DNAJC5B: variants seen among roughly 807,000 people sequenced by gnomAD.
The protein encoded by DNAJC5B is DnaJ heat shock protein family (Hsp40) member C5 beta.
Under a neutral mutation model 24.7 loss-of-function variants are expected in DNAJC5B, and 23 were observed. The ratio of observed to expected loss-of-function variants is 0.93; its 90% CI spans 0.67 to 1.32. The LOEUF (loss-of-function observed/expected upper bound fraction) is 1.32, where lower values mean the gene tolerates loss of function less well. Among genes scored for constraint, DNAJC5B ranks in the 40% most tolerant of loss-of-function variants. DNAJC5B has a pLI of 0.00. For missense variants in DNAJC5B, 238 were observed against 240.8 expected (o/e 0.99, Z 0.08); for synonymous variants, 101 against 90.1 (o/e 1.12, Z -0.68).
chr8:66,028,093 G>A (rs1423045132), intron 1 of DNAJC5B, among the ~76,000 whole-genome samples: 3 of 152,226 alleles, frequency 2.0e-5, no homozygotes, highest in Non-Finnish European at 4.4e-5. Flanking sequence ...CGAAGAAGCA[G>A]TGTTGTCTGG....
At chr8:66,032,434 G>A (rs146042638) in intron 1 of DNAJC5B, among the ~76,000 whole-genome samples, 124 of 152,350 alleles carry the variant, frequency 8.1e-4, no homozygotes, top group African/African-American at 2.8e-3. Flanking sequence ...CTACGTGCTC[G>A]TGCTTTGTGT....
At chr8:66,035,306 G>T (rs985701816) in intron 1 of DNAJC5B, among the ~76,000 whole-genome samples, 1 of 152,162 alleles carries the variant, frequency 6.6e-6, no homozygotes, top group Non-Finnish European at 1.5e-5. Flanking sequence ...AATGTGCTGC[G>T]CCTGTAAAAG....
At chr8:66,026,941 T>C (rs571979763) in intron 1 of DNAJC5B, among the ~76,000 whole-genome samples, 7 of 152,348 alleles carry the variant, frequency 4.6e-5, no homozygotes, top group African/African-American at 1.7e-4. Flanking sequence ...ATTTTTATTG[T>C]ATTTGTATAA....
At chr8:66,081,195 G>C (rs1807588853) in intron 5 of DNAJC5B, among the ~76,000 whole-genome samples, 1 of 152,026 alleles carries the variant, frequency 6.6e-6, no homozygotes, top group South Asian at 2.1e-4. Context: ...ATCCAAAAAT[G>C]AAAAAATTTT....
At chr8:66,075,118 G>C (rs1210860694) in intron 3 of DNAJC5B, among the ~76,000 whole-genome samples, 7 of 151,836 alleles carry the variant, frequency 4.6e-5, no homozygotes, top group Non-Finnish European at 1.5e-5. Context: ...CCAGGCTGGA[G>C]TGCAGTGATG....
chr8:66,073,741 C>T (rs1807402630), intron 3 of DNAJC5B, among the ~76,000 whole-genome samples: 1 of 152,070 alleles, frequency 6.6e-6, no homozygotes, highest in Non-Finnish European at 1.5e-5. Context: ...ATTTTCTTTT[C>T]CTAATAAATG....
At chr8:66,093,656 T>G (rs1327862090) in intron 5 of DNAJC5B, among the ~76,000 whole-genome samples, 1 of 152,206 alleles carries the variant, frequency 6.6e-6, no homozygotes, top group Non-Finnish European at 1.5e-5. Context: ...TTAAAACATA[T>G]TCTCCCAGTT....
At chr8:66,070,450 T>G (rs149995300) in intron 3 of DNAJC5B, among the ~76,000 whole-genome samples, 4,748 of 152,254 alleles carry the variant, frequency 0.031, 117 homozygotes, top group Middle Eastern at 0.082. Context: ...GAACTCCCTT[T>G]CACAATTGCT....
chr8:66,094,517 T>C (rs2128967015), intron 5 of DNAJC5B, among the ~76,000 whole-genome samples: 1 of 152,248 alleles, frequency 6.6e-6, no homozygotes, highest in South Asian at 2.1e-4. Context: ...CTTGCTAATT[T>C]TAATTATTTA....
chr8:66,029,795 A>G (rs1206750761), intron 1 of DNAJC5B, among the ~76,000 whole-genome samples: 1 of 152,154 alleles, frequency 6.6e-6, no homozygotes, highest in Non-Finnish European at 1.5e-5. Context: ...TCCATGCCAC[A>G]GTATCACTTC....
Position 66,100,232 on chromosome 8 carries a change from T to C in DNAJC5B, c.*201T>C, listed in dbSNP as rs1284660604. 1 of 514,784 alleles carries C rather than the reference T, an allele frequency of 1.9e-6. No homozygotes were observed. The highest frequency in any genetic ancestry group is 1.9e-5 in the African/African-American group (1 of 52,358). 31.9% of individuals were successfully genotyped at this position (514,784 alleles called of 1,614,324 possible). On this transcript the variant is annotated 3_prime_UTR_variant, in exon 6 of 6. Transcript: ENST00000276570. ...TGAGTAGAATTTCTTATGAAACACA[T>C]TCAATTTGGGTGAATAAAGGCCTGA... is the stretch of plus-strand genomic sequence containing the variant.
intron 3 of DNAJC5B, 58 bp from the exon 4 acceptor site, chr8:66,076,602 G>A: frequency 6.3e-7 from 1 of 1,580,162 alleles, no homozygotes; most frequent in Non-Finnish European, 8.7e-7. Flanking sequence ...CTTCTAAAAC[G>A]CCATGGTTCA....
intron 3 of DNAJC5B, chr8:66,057,761 T>TG (rs1428272893): frequency 6.6e-6 from 1 of 152,138 alleles, no homozygotes; most frequent in Non-Finnish European, 1.5e-5. Flanking sequence ...CTGAAGGAAG[T>TG]GACAAAAGAT....
At chr8:66,082,619 C>G (rs982762793) in intron 5 of DNAJC5B, among the ~76,000 whole-genome samples, 2 of 152,096 alleles carry the variant, frequency 1.3e-5, no homozygotes, top group African/African-American at 4.8e-5. Flanking sequence ...AACCACGATC[C>G]TGTTTGACTA....
upstream of DNAJC5B, chr8:66,021,447 T>C (rs1373696181): frequency 6.6e-6 from 1 of 152,242 alleles, no homozygotes; most frequent in Non-Finnish European, 1.5e-5. Flanking sequence ...GGAAGTGTTG[T>C]CCAAGAGGGC....
At chr8:66,053,599 T>C (rs1806898856) in intron 3 of DNAJC5B, among the ~76,000 whole-genome samples, 1 of 152,024 alleles carries the variant, frequency 6.6e-6, no homozygotes, top group Admixed American at 6.6e-5. Flanking sequence ...CATTTAAAAA[T>C]CAGGTTGTAT....
At chr8:66,027,230 C>A (rs1002547186) in intron 1 of DNAJC5B, among the ~76,000 whole-genome samples, 2 of 152,130 alleles carry the variant, frequency 1.3e-5, no homozygotes, top group Non-Finnish European at 2.9e-5. Context: ...AGGACAGCCC[C>A]GGAAATCTTT....
intron 3 of DNAJC5B, 83 bp from the exon 4 acceptor site, chr8:66,076,577 C>A: frequency 7.0e-6 from 10 of 1,421,500 alleles, no homozygotes; most frequent in East Asian, 4.5e-5. Context: ...AAAGAATATA[C>A]AAATGAACAG....
At chr8:66,070,061 A>T (rs1018235727) in intron 3 of DNAJC5B, among the ~76,000 whole-genome samples, 2 of 152,212 alleles carry the variant, frequency 1.3e-5, no homozygotes, top group Admixed American at 1.3e-4. Context: ...AACGTATGTC[A>T]AGATAATAAG....
Sources: allele counts gnomAD v4.1 joint callset (sites outside exome capture counted in the v4.1 genomes callset), GRCh38; gene constraint gnomAD v4.1.1; transcripts MANE v1.5; gene names NCBI Gene and HGNC (gene_info 2026-07-23, HGNC 2026-07-21).